The following ROBO2 variants were observed in gnomAD, a reference collection of about 807,000 sequenced individuals.
ROBO2 encodes roundabout homolog 2.
In ROBO2, 53 loss-of-function variants were observed where a neutral mutation model predicts 160.8. The observed-to-expected ratio is 0.33, with a 90% confidence interval of 0.26 to 0.41. The LOEUF (loss-of-function observed/expected upper bound fraction) is 0.41, where lower values mean the gene tolerates loss of function less well. ROBO2 is among the 10% of genes least tolerant of loss of function. The pLI is 1.00. For missense variants in ROBO2, 1,577 were observed against 1,722.4 expected (o/e 0.92, Z 1.49); for synonymous variants, 664 against 611.7 (o/e 1.09, Z -1.26).
intron 2 of ROBO2, among the ~76,000 whole-genome samples, chr3:76,468,322 A>G (rs951553739): frequency 6.6e-6 from 1 of 152,158 alleles, no homozygotes; most frequent in African/African-American, 2.4e-5. Context: ...TATACTTTAT[A>G]TGGACACTGG....
At chr3:77,149,889 G>A (rs974647264) in intron 2 of ROBO2, among the ~76,000 whole-genome samples, 6 of 148,980 alleles carry the variant, frequency 4.0e-5, no homozygotes, top group Non-Finnish European at 7.4e-5. Flanking sequence ...ATTTGTTAAT[G>A]TACTGTATTT....
At chr3:76,259,040 A>G (rs1291409119) in intron 2 of ROBO2, among the ~76,000 whole-genome samples, 2 of 152,120 alleles carry the variant, frequency 1.3e-5, no homozygotes, top group Non-Finnish European at 2.9e-5. Flanking sequence ...GTTGACTAAG[A>G]CTGAGTATTA....
chr3:76,205,720 G>A (rs193043189), intron 2 of ROBO2, among the ~76,000 whole-genome samples: 8 of 152,182 alleles, frequency 5.3e-5, no homozygotes, highest in East Asian at 1.9e-4. Context: ...GCTCTTGCAC[G>A]TCTCTGGGGG....
At chr3:75,937,415 G>A in intron 1 of ROBO2, 2 of 804,690 alleles carry the variant, frequency 2.5e-6, no homozygotes, top group Admixed American at 2.8e-5. Flanking sequence ...TGGGATTTGA[G>A]TCGTAGTATA....
intron 2 of ROBO2, among the ~76,000 whole-genome samples, chr3:75,995,749 G>A (rs555767804): frequency 6.6e-6 from 1 of 152,276 alleles, no homozygotes; most frequent in South Asian, 2.1e-4. Context: ...TTGGGAGAGG[G>A]GTTGTACCCT....
chr3:76,291,647 C>T (rs1043866960), intron 2 of ROBO2, among the ~76,000 whole-genome samples: 14 of 152,048 alleles, frequency 9.2e-5, no homozygotes, highest in East Asian at 1.9e-4. Context: ...TTCTTATTTT[C>T]GGTGTAAGTG....
intron 2 of ROBO2, among the ~76,000 whole-genome samples, chr3:76,752,194 A>C (rs902889883): frequency 6.6e-6 from 1 of 152,056 alleles, no homozygotes; most frequent in Non-Finnish European, 1.5e-5. Context: ...AAGGACAGAA[A>C]ACCAAACACC....
intron 2 of ROBO2, among the ~76,000 whole-genome samples, chr3:77,322,501 A>G (rs2064825777): frequency 6.6e-6 from 1 of 151,952 alleles, no homozygotes; most frequent in Non-Finnish European, 1.5e-5. Context: ...TTTGGTGGCA[A>G]AATTTCTCAA....
chr3:76,604,279 A>G (rs1358804202), intron 2 of ROBO2, among the ~76,000 whole-genome samples: 1 of 152,196 alleles, frequency 6.6e-6, no homozygotes, highest in Non-Finnish European at 1.5e-5. Context: ...AAGAAGCAGT[A>G]TGTGGATAAT....
chr3:77,626,284 CT>C (rs1315376809), intron 23 of ROBO2, among the ~76,000 whole-genome samples: 2 of 152,054 alleles, frequency 1.3e-5, no homozygotes, highest in African/African-American at 4.8e-5. Flanking sequence ...TTAGATGTGA[CT>C]TTTGTGATTC....
At chr3:75,953,324 C>T (rs1406409564) in intron 2 of ROBO2, among the ~76,000 whole-genome samples, 2 of 151,922 alleles carry the variant, frequency 1.3e-5, no homozygotes, top group Non-Finnish European at 2.9e-5. Context: ...TAATATCTCA[C>T]TGTTGCTATG....
intron 6 of ROBO2, among the ~76,000 whole-genome samples, chr3:77,534,940 A>G (rs1312592104): frequency 6.6e-6 from 1 of 152,196 alleles, no homozygotes; most frequent in Non-Finnish European, 1.5e-5. Context: ...GTACTTGCCT[A>G]GAAAATGTTT....
intron 2 of ROBO2, among the ~76,000 whole-genome samples, chr3:76,966,788 G>A (rs904105301): frequency 4.6e-5 from 7 of 152,180 alleles, no homozygotes; most frequent in African/African-American, 1.7e-4. Context: ...AGGATAAAAT[G>A]CCCGGTATAC....
At chr3:77,520,363 G>A (rs781703555) in intron 5 of ROBO2, among the ~76,000 whole-genome samples, 27 of 151,180 alleles carry the variant, frequency 1.8e-4, no homozygotes, top group Middle Eastern at 3.4e-3. Flanking sequence ...CATTTTATTT[G>A]CCTAAGTGTC....
chr3:77,595,706 G>T (rs1304817434), intron 18 of ROBO2, among the ~76,000 whole-genome samples: 2 of 152,070 alleles, frequency 1.3e-5, no homozygotes, highest in Non-Finnish European at 2.9e-5. Context: ...TTGTAATTAG[G>T]CTCTGGTAAT....
At chr3:77,514,950 A>G (rs997608869) in intron 5 of ROBO2, among the ~76,000 whole-genome samples, 2 of 151,732 alleles carry the variant, frequency 1.3e-5, no homozygotes, top group Admixed American at 6.6e-5. Flanking sequence ...GATAGTCACA[A>G]GAGTTTTTTC....
chr3:76,281,779 A>G (rs1462113261), intron 2 of ROBO2, among the ~76,000 whole-genome samples: 1 of 151,994 alleles, frequency 6.6e-6, no homozygotes, highest in East Asian at 1.9e-4. Flanking sequence ...TTATCTTAGC[A>G]CCAAACATTG....
intron 2 of ROBO2, among the ~76,000 whole-genome samples, chr3:76,539,788 CAG>C (rs1279012007): frequency 3.3e-5 from 5 of 152,142 alleles, no homozygotes; most frequent in Non-Finnish European, 1.5e-5. Flanking sequence ...AATTTCCTGA[CAG>C]AGTGTCAGTA....
At chr3:77,117,596 A>G (rs10428071) in intron 2 of ROBO2, among the ~76,000 whole-genome samples, 26,655 of 151,956 alleles carry the variant, frequency 0.18, 3,898 homozygotes, top group African/African-American at 0.4. Flanking sequence ...ACATAAATTT[A>G]AGAATAATCT....
Sources: gnomAD v4.1 joint callset for allele counts (sites outside exome capture counted in the v4.1 genomes callset) on GRCh38, gnomAD v4.1.1 for gene constraint, MANE v1.5 for transcripts, NCBI Gene and HGNC (gene_info 2026-07-23, HGNC 2026-07-21) for gene names.